Variants in CEP63 observed in about 807,000 individuals in gnomAD.
The protein encoded by CEP63 is centrosomal protein of 63 kDa.
A neutral mutation model predicts 89.1 loss-of-function variants in CEP63; 84 were observed. The ratio of observed to expected loss-of-function variants is 0.94; its 90% confidence interval spans 0.79 to 1.13. The LOEUF is 1.13. Among genes scored for constraint, CEP63 ranks in the 50% most tolerant of loss-of-function variants. The probability of loss-of-function intolerance (pLI) is 0.00; values close to 1 mark genes in which losing one functional copy is unlikely to be tolerated. For missense variants in CEP63, 838 were observed against 813.3 expected, an observed-to-expected ratio of 1.03 and a Z score of -0.37; for synonymous variants, 267 against 272.5, an observed-to-expected ratio of 0.98 and a Z score of 0.20.
At chr3:134,765,540 T>C in the CEP63 span, among the ~76,000 whole-genome samples, 2 of 152,140 alleles carry the variant, frequency 1.3e-5, no homozygotes, top group Non-Finnish European at 2.9e-5. Context: ...TGCTAGATAT[T>C]GAGACAGAGT....
At chr3:134,523,965 A>G (rs1006545790) in intron 3 of CEP63, among the ~76,000 whole-genome samples, 1 of 152,190 alleles carries the variant, frequency 6.6e-6, no homozygotes, top group Admixed American at 6.5e-5. Context: ...TGTTGAATCT[A>G]TAAATTGCTT....
the CEP63 span, chr3:134,647,627 A>G: frequency 6.7e-6 from 4 of 594,712 alleles, no homozygotes; most frequent in East Asian, 9.1e-5. Context: ...GAGGCTACCC[A>G]TGAATAAGAT....
chr3:134,572,902 C>T (rs1041462347), intron 11 of CEP63, among the ~76,000 whole-genome samples: 1 of 152,160 alleles, frequency 6.6e-6, no homozygotes, highest in African/African-American at 2.4e-5. Flanking sequence ...CTTTTCTCTG[C>T]GACCACACCA....
intron 2 of CEP63, among the ~76,000 whole-genome samples, chr3:134,499,007 T>C (rs1377231453): frequency 6.6e-6 from 1 of 152,208 alleles, no homozygotes; most frequent in Admixed American, 6.5e-5. Context: ...TCTTCTTTTG[T>C]TGTGTCCTTG....
the CEP63 span, chr3:134,603,950 C>T: frequency 4.3e-6 from 7 of 1,613,868 alleles, no homozygotes; most frequent in African/African-American, 8.0e-5. Flanking sequence ...CTCTTCTTGA[C>T]AAAGATCTTG....
chr3:134,629,598 A>G, the CEP63 span: 3 of 1,575,808 alleles, frequency 1.9e-6, no homozygotes, highest in South Asian at 1.2e-5. Context: ...GCCCTCCACC[A>G]TGAGTACCTG....
At chr3:134,486,224 G>C in intron 1 of CEP63, 22 bp downstream of exon 1, 2 of 985,668 alleles carry the variant, frequency 2.0e-6, no homozygotes, top group African/African-American at 1.7e-5. Flanking sequence ...AAGGCTCAGG[G>C]GCGTGCTTGC....
At chr3:134,612,247 C>T in the CEP63 span, among the ~76,000 whole-genome samples, 1 of 152,156 alleles carries the variant, frequency 6.6e-6, no homozygotes, top group South Asian at 2.1e-4. Flanking sequence ...CTTCTGGGAG[C>T]ACTTGAGGGC....
At chr3:134,772,292 G>T in the CEP63 span, among the ~76,000 whole-genome samples, 122 of 152,318 alleles carry the variant, frequency 8.0e-4, no homozygotes, top group African/African-American at 2.8e-3. Context: ...TGCAGGGCTG[G>T]ATTCTCTTGC....
the CEP63 span, among the ~76,000 whole-genome samples, chr3:134,656,032 G>A: frequency 6.6e-6 from 1 of 152,340 alleles, no homozygotes; most frequent in Middle Eastern, 3.4e-3. Context: ...TGGTTACACT[G>A]TAAAGAGAGC....
At chr3:134,771,472 C>G in the CEP63 span, among the ~76,000 whole-genome samples, 1 of 152,212 alleles carries the variant, frequency 6.6e-6, no homozygotes, top group Non-Finnish European at 1.5e-5. Context: ...AACCTGATAG[C>G]TAGGCCCCAC....
chr3:134,691,035 C>T, the CEP63 span, among the ~76,000 whole-genome samples: 10 of 152,136 alleles, frequency 6.6e-5, no homozygotes, highest in Non-Finnish European at 1.0e-4. Flanking sequence ...AGATGTGAGC[C>T]ACCGTGCCTG....
the CEP63 span, among the ~76,000 whole-genome samples, chr3:134,741,884 C>A: frequency 1.6e-3 from 249 of 152,182 alleles, no homozygotes; most frequent in African/African-American, 5.6e-3. Context: ...ATCTGTGTTT[C>A]TTCCCAAGGA....
At chr3:134,679,643 T>G in the CEP63 span, among the ~76,000 whole-genome samples, 11 of 152,234 alleles carry the variant, frequency 7.2e-5, no homozygotes, top group Non-Finnish European at 1.5e-4. Context: ...CTTGACTGTA[T>G]TTGGAGATAT....
chr3:134,528,511 G>T (rs1949130407), intron 3 of CEP63, among the ~76,000 whole-genome samples: 1 of 151,974 alleles, frequency 6.6e-6, no homozygotes, highest in African/African-American at 2.4e-5. Flanking sequence ...TCTAACATGT[G>T]ATAGAGGGCC....
the CEP63 span, among the ~76,000 whole-genome samples, chr3:134,652,694 C>T: frequency 6.6e-6 from 1 of 152,144 alleles, no homozygotes; most frequent in South Asian, 2.1e-4. Flanking sequence ...CTAACACTTA[C>T]TCTCTATGTG....
the CEP63 span, among the ~76,000 whole-genome samples, chr3:134,695,440 C>A: frequency 6.6e-6 from 1 of 152,188 alleles, no homozygotes; most frequent in African/African-American, 2.4e-5. Flanking sequence ...ATGGGGCCTG[C>A]CCATACATGG....
At chr3:134,532,041 A>G in intron 4 of CEP63, 101 bp downstream of exon 4, 1 of 722,440 alleles carries the variant, frequency 1.4e-6, no homozygotes. Context: ...TAAAGTGGGA[A>G]ATACATACTC....
chr3:134,607,226 G>A, the CEP63 span: 4 of 985,464 alleles, frequency 4.1e-6, no homozygotes, highest in South Asian at 9.4e-5. Flanking sequence ...GCAACTTCAC[G>A]CTGTTATTTT....
Sources: allele counts gnomAD v4.1 joint callset (sites outside exome capture counted in the v4.1 genomes callset), GRCh38; gene constraint gnomAD v4.1.1; transcripts MANE v1.5; gene names NCBI Gene and HGNC (gene_info 2026-07-23, HGNC 2026-07-21).